The following ANO2 variants were observed in gnomAD, a reference collection of about 807,000 sequenced individuals.
ANO2 encodes anoctamin 2.
ANO2 carries 101 observed loss-of-function variants against 124.2 expected under a neutral mutation model. The observed-to-expected ratio is 0.81, with a 90% CI of 0.69 to 0.96. The LOEUF is 0.96. Among genes scored for constraint, ANO2 ranks in the 40% least tolerant of loss-of-function variants. ANO2 has a pLI of 0.00. For synonymous variants in ANO2, 486 were observed against 482.5 expected (o/e 1.01, Z -0.09); for missense variants, 1,293 against 1,274.5 (o/e 1.01, Z -0.22).
At chr12:5,720,968 G>A (rs758914569) in intron 14 of ANO2, among the ~76,000 whole-genome samples, 1 of 152,196 alleles carries the variant, frequency 6.6e-6, no homozygotes, top group African/African-American at 2.4e-5. Context: ...GGCCACCCGA[G>A]GAGTCTACTT....
At chr12:5,672,522 G>C (rs1161983134) in intron 14 of ANO2, among the ~76,000 whole-genome samples, 1 of 152,204 alleles carries the variant, frequency 6.6e-6, no homozygotes, top group Non-Finnish European at 1.5e-5. Context: ...CTTCAGTTGA[G>C]TTTGGACCCA....
At chr12:5,914,074 C>T (rs1565774472) in intron 3 of ANO2, among the ~76,000 whole-genome samples, 1 of 152,080 alleles carries the variant, frequency 6.6e-6, no homozygotes, top group Non-Finnish European at 1.5e-5. Flanking sequence ...GTGTTGTGCA[C>T]CTGTAATCCC....
intron 3 of ANO2, among the ~76,000 whole-genome samples, chr12:5,866,977 G>T (rs903433258): frequency 6.6e-6 from 1 of 152,214 alleles, no homozygotes; most frequent in Non-Finnish European, 1.5e-5. Context: ...CAGGGAGTTG[G>T]TCTAGGGGTT....
intron 14 of ANO2, among the ~76,000 whole-genome samples, chr12:5,719,209 T>C (rs374698120): frequency 3.9e-5 from 6 of 152,314 alleles, no homozygotes; most frequent in African/African-American, 1.4e-4. Context: ...CCTTCACTTC[T>C]TTGCCTAAAG....
rs1374734258 is a variant in ANO2, at chr12:5,904,409, T to A, written c.534+16631A>T. On this transcript the variant is annotated intron_variant, in intron 3 of 24. Transcript: ENST00000682330. This position sits in a 1 kb window ranked among gnomAD's most constrained non-coding sequence, Gnocchi z 4.1. ...TGAGTGGGATTGGAAGGAGGGAGAG[T>A]GATGGGAAAACCACATGGAAGGGAA... 1.3e-5 allele frequency among the ~76,000 whole-genome samples: 2 copies of A among 151,158 alleles called. No homozygotes were observed. The highest frequency in any genetic ancestry group is 4.9e-5 in the African/African-American group (2 of 41,034).
At chr12:5,800,053 G>A (rs560353368) in intron 9 of ANO2, among the ~76,000 whole-genome samples, 3 of 152,360 alleles carry the variant, frequency 2.0e-5, no homozygotes, top group Admixed American at 6.5e-5. Flanking sequence ...GGAGTAGAAT[G>A]TGAAGGAAGG....
intron 19 of ANO2, chr12:5,608,998 G>C (rs538899676): frequency 6.6e-6 from 1 of 152,204 alleles, no homozygotes; most frequent in African/African-American, 2.4e-5. Context: ...TTAGGATGAA[G>C]ACTTTTCTTT....
At chr12:5,767,864 G>A (rs566351139) in intron 10 of ANO2, among the ~76,000 whole-genome samples, 28 of 152,284 alleles carry the variant, frequency 1.8e-4, no homozygotes, top group African/African-American at 6.3e-4. Flanking sequence ...AGACCCTGGA[G>A]GCTAAGCTTG....
At position 5,563,348 on chromosome 12, in the gene ANO2, C is replaced by T; in HGVS notation, c.2948G>A (p.Ser983Asn). ...RAASSAPSGQ[S>N]QLGSMMSSGS... ...TGACGACATCATGCTGCCCAGCTGG[C>T]TTTGGCCTGAAGGTGCTGAGCTGGC... is the stretch of plus-strand genomic sequence containing the variant. The change falls in exon 25 of 25, where the codon AGC becomes AAC. Residue 983 changes from serine (S) to asparagine (N), a missense_variant. Transcript: ENST00000682330. The T allele has an allele frequency of 6.2e-7, 1 of 1,604,894 alleles. No individual in the cohort carries two copies. Among genetic ancestry groups the T allele is most frequent in the Non-Finnish European group, 8.5e-7 (1 of 1,176,906 alleles).
intron 10 of ANO2, among the ~76,000 whole-genome samples, chr12:5,789,041 A>G (rs767906001): frequency 6.6e-6 from 1 of 152,226 alleles, no homozygotes; most frequent in African/African-American, 2.4e-5. Flanking sequence ...AATCCACAGA[A>G]GTCAAAAGAG....
At chr12:5,706,009 T>C (rs1020284200) in intron 14 of ANO2, among the ~76,000 whole-genome samples, 2 of 152,112 alleles carry the variant, frequency 1.3e-5, no homozygotes, top group Non-Finnish European at 2.9e-5. Context: ...GTTGACACGG[T>C]GCCCTTCTGG....
At chr12:5,695,789 C>T (rs1188955154) in intron 14 of ANO2, among the ~76,000 whole-genome samples, 3 of 151,710 alleles carry the variant, frequency 2.0e-5, no homozygotes, top group African/African-American at 4.8e-5. Flanking sequence ...TTTGTTGAGC[C>T]GAGATCTCAC....
chr12:5,644,790 CTT>C (rs1353873603), intron 15 of ANO2, among the ~76,000 whole-genome samples: 1 of 152,108 alleles, frequency 6.6e-6, no homozygotes, highest in Non-Finnish European at 1.5e-5. Flanking sequence ...CTATAAATAT[CTT>C]TATTTTATCC....
chr12:5,709,570 A>G (rs374011514), intron 14 of ANO2, among the ~76,000 whole-genome samples: 43 of 152,340 alleles, frequency 2.8e-4, no homozygotes, highest in African/African-American at 1.0e-3. Flanking sequence ...TACCAACCAG[A>G]GGCCTTCCAG....
At chr12:5,892,970 A>G (rs1939512457) in intron 3 of ANO2, among the ~76,000 whole-genome samples, 1 of 152,192 alleles carries the variant, frequency 6.6e-6, no homozygotes, top group Non-Finnish European at 1.5e-5. Flanking sequence ...TATAATACAT[A>G]AGACAAATAC....
intron 14 of ANO2, among the ~76,000 whole-genome samples, chr12:5,668,119 G>A (rs1947823419): frequency 6.6e-6 from 1 of 152,124 alleles, no homozygotes; most frequent in South Asian, 2.1e-4. Flanking sequence ...GATCTTTAAG[G>A]AATTTCCACA....
chr12:5,685,880 C>T (rs1445709632), intron 14 of ANO2, among the ~76,000 whole-genome samples: 1 of 152,216 alleles, frequency 6.6e-6, no homozygotes, highest in East Asian at 1.9e-4. Flanking sequence ...GTAGGCTTCT[C>T]CTGCCTGCCT....
chr12:5,719,587 C>T (rs1950146234), intron 14 of ANO2, among the ~76,000 whole-genome samples: 1 of 152,180 alleles, frequency 6.6e-6, no homozygotes, highest in Non-Finnish European at 1.5e-5. Context: ...GAGAATGCAG[C>T]AACAAGGCAC....
intron 1 of ANO2, among the ~76,000 whole-genome samples, chr12:5,943,667 T>TA (rs1398530435): frequency 6.6e-6 from 1 of 152,148 alleles, no homozygotes; most frequent in Non-Finnish European, 1.5e-5. Flanking sequence ...CTGACATTTT[T>TA]AAAACAATTT....
Sources: gnomAD v4.1 joint callset for allele counts (sites outside exome capture counted in the v4.1 genomes callset) on GRCh38, gnomAD v4.1.1 for gene constraint, Gnocchi (gnomAD v3.1) non-coding constraint, MANE v1.5 for transcripts, NCBI Gene and HGNC (gene_info 2026-07-23, HGNC 2026-07-21) for gene names.